Variants in BMPR1B observed in about 807,000 individuals in gnomAD.
The protein encoded by BMPR1B is bone morphogenetic protein receptor type-1B.
In BMPR1B, 12 loss-of-function variants were observed where a neutral mutation model predicts 59.1. The observed-to-expected ratio is 0.20, with a 90% CI of 0.13 to 0.33. The LOEUF is 0.33. BMPR1B is among the 10% of genes least tolerant of loss of function. The pLI is 1.00. For synonymous variants in BMPR1B, 237 were observed against 207.3 expected, an observed-to-expected ratio of 1.14 and a Z score of -1.23; for missense variants, 550 against 610.9, an observed-to-expected ratio of 0.90 and a Z score of 1.05.
intron 4 of BMPR1B, among the ~76,000 whole-genome samples, chr4:95,107,736 G>C (rs149584038): frequency 6.6e-6 from 1 of 152,008 alleles, no homozygotes; most frequent in Admixed American, 6.6e-5. Context: ...AATTGTGGCC[G>C]GGACTCCAAA....
intron 3 of BMPR1B, chr4:95,051,803 C>T: frequency 6.5e-7 from 1 of 1,528,076 alleles, no homozygotes; most frequent in South Asian, 1.2e-5. Flanking sequence ...CACTACAGTG[C>T]TGATGGGGCT....
chr4:95,124,612 A>G (rs1732771650), intron 7 of BMPR1B, among the ~76,000 whole-genome samples: 1 of 151,986 alleles, frequency 6.6e-6, no homozygotes. Context: ...TACACCCAAA[A>G]TTTACATCTT....
chr4:95,061,272 G>A (rs577375365), intron 3 of BMPR1B, among the ~76,000 whole-genome samples: 4 of 151,634 alleles, frequency 2.6e-5, no homozygotes, highest in Admixed American at 1.3e-4. Flanking sequence ...TTAAAAGAGA[G>A]TAAGAGAAGA....
chr4:94,929,780 T>C (rs1359474174), intron 2 of BMPR1B, among the ~76,000 whole-genome samples: 2 of 152,046 alleles, frequency 1.3e-5, no homozygotes, highest in Non-Finnish European at 2.9e-5. Context: ...CCTCACGTCC[T>C]ATGATTTCTG....
chr4:94,932,483 T>C (rs1355918360), intron 2 of BMPR1B, among the ~76,000 whole-genome samples: 1 of 152,154 alleles, frequency 6.6e-6, no homozygotes, highest in Admixed American at 6.6e-5. Flanking sequence ...TTAAAAAACT[T>C]GCAAAATGAT....
At chr4:95,046,810 G>T (rs1270962251) in intron 3 of BMPR1B, among the ~76,000 whole-genome samples, 2 of 152,144 alleles carry the variant, frequency 1.3e-5, no homozygotes, top group Non-Finnish European at 2.9e-5. Context: ...AAATTAAGTT[G>T]GCTATCTCAG....
intron 2 of BMPR1B, among the ~76,000 whole-genome samples, chr4:94,940,220 G>A (rs754831830): frequency 6.6e-6 from 1 of 152,116 alleles, no homozygotes; most frequent in African/African-American, 2.4e-5. Flanking sequence ...TGTCCAACCC[G>A]TGGCCCACAG....
At chr4:95,144,812 G>C (rs1400997335) in intron 10 of BMPR1B, among the ~76,000 whole-genome samples, 1 of 152,120 alleles carries the variant, frequency 6.6e-6, no homozygotes, top group Non-Finnish European at 1.5e-5. Flanking sequence ...CATTTCTTCT[G>C]TAGTGAATGC....
intron 3 of BMPR1B, among the ~76,000 whole-genome samples, chr4:95,092,911 C>T (rs575640579): frequency 2.0e-4 from 31 of 152,176 alleles, no homozygotes; most frequent in Non-Finnish European, 3.4e-4. Flanking sequence ...TGATTAGCTT[C>T]GGAACTCTGT....
chr4:95,063,837 TAGC>T (rs1223958354), intron 3 of BMPR1B, among the ~76,000 whole-genome samples: 1 of 151,976 alleles, frequency 6.6e-6, no homozygotes, highest in East Asian at 1.9e-4. Flanking sequence ...ACAATAAAAG[TAGC>T]AGAAGACACG....
At chr4:95,143,847 C>T (rs753004274) in intron 10 of BMPR1B, among the ~76,000 whole-genome samples, 4 of 152,104 alleles carry the variant, frequency 2.6e-5, no homozygotes, top group African/African-American at 7.2e-5. Context: ...CATTATCAGC[C>T]GATAGCTCCC....
chr4:94,956,371 A>G (rs940543925), intron 2 of BMPR1B, among the ~76,000 whole-genome samples: 1 of 152,128 alleles, frequency 6.6e-6, no homozygotes, highest in Admixed American at 6.6e-5. Context: ...TTTTTATGAT[A>G]ACCCCCTCCC....
rs150423206 is a variant in BMPR1B at position 95,040,731 on chromosome 4, T to C, written c.-18+44597T>C. On this transcript the variant is annotated intron_variant, in intron 3 of 12. Transcript: ENST00000515059. ...CAATGTCAGTGTGTATCTGTTGTTA[T>C]CTAAAAATCAAACACAAACCCTTTA... Among the ~76,000 whole-genome samples, 762 of 152,296 alleles carry C rather than the reference T, an allele frequency of 5.0e-3. 2 individuals are homozygous for C. Among genetic ancestry groups the C allele is most frequent in the Non-Finnish European group, 8.5e-3 (580 of 68,024 alleles).
intron 1 of BMPR1B, among the ~76,000 whole-genome samples, chr4:94,844,815 T>C (rs1725252746): frequency 6.6e-6 from 1 of 152,228 alleles, no homozygotes; most frequent in Non-Finnish European, 1.5e-5. Context: ...ATCAATTTCA[T>C]ATTGATCACT....
intron 3 of BMPR1B, among the ~76,000 whole-genome samples, chr4:95,063,617 A>G (rs2149208728): frequency 6.6e-6 from 1 of 152,314 alleles, no homozygotes; most frequent in African/African-American, 2.4e-5. Context: ...TATTTATATG[A>G]CTTGATATTC....
At chr4:95,109,644 T>G (rs1032835352) in intron 4 of BMPR1B, among the ~76,000 whole-genome samples, 18 of 151,986 alleles carry the variant, frequency 1.2e-4, no homozygotes, top group African/African-American at 4.1e-4. Flanking sequence ...GTAGAAGATG[T>G]TGATTTCAAA....
At chr4:95,148,661 A>G in intron 10 of BMPR1B, 87 bp from the exon 11 acceptor site, 1 of 1,369,328 alleles carries the variant, frequency 7.3e-7, no homozygotes, top group African/African-American at 1.4e-5. Context: ...ACTTTTCACT[A>G]ACTAAAGCCA....
At chr4:94,999,320 T>C (rs1198535264) in intron 3 of BMPR1B, among the ~76,000 whole-genome samples, 1 of 152,140 alleles carries the variant, frequency 6.6e-6, no homozygotes, top group Non-Finnish European at 1.5e-5. Flanking sequence ...TATTTTACAA[T>C]TTTGATTCAT....
chr4:94,818,299 TAC>T, intron 1 of BMPR1B, among the ~76,000 whole-genome samples: 3 of 152,234 alleles, frequency 2.0e-5, no homozygotes, highest in Non-Finnish European at 4.4e-5. Context: ...TCAGGGGCTC[TAC>T]TAAGTATCTT....
Sources: allele counts gnomAD v4.1 joint callset (sites outside exome capture counted in the v4.1 genomes callset), GRCh38; gene constraint gnomAD v4.1.1; transcripts MANE v1.5; gene names NCBI Gene and HGNC (gene_info 2026-07-23, HGNC 2026-07-21).